GRM8: variants seen among roughly 807,000 people sequenced by gnomAD.
GRM8 encodes the protein glutamate metabotropic receptor 8.
GRM8 carries 47 observed loss-of-function variants against 87.2 expected under a neutral mutation model. The observed-to-expected ratio is 0.54, with a 90% CI of 0.43 to 0.69. The LOEUF is 0.69. GRM8 is among the 30% of genes least tolerant of loss of function. The pLI is 0.00. For missense variants in GRM8, 1,019 were observed against 1,139.2 expected (o/e 0.89, Z 1.52); for synonymous variants, 396 against 404.5 (o/e 0.98, Z 0.25).
intron 2 of GRM8, among the ~76,000 whole-genome samples, chr7:127,212,720 A>G (rs1796297933): frequency 6.6e-6 from 1 of 152,150 alleles, no homozygotes. Context: ...CCCGGCCGAC[A>G]TGGTGTTATT....
intron 6 of GRM8, among the ~76,000 whole-genome samples, chr7:126,820,134 C>T (rs912137266): frequency 6.6e-6 from 1 of 152,078 alleles, no homozygotes; most frequent in Non-Finnish European, 1.5e-5. Context: ...CAGTGTGGTT[C>T]TATCAGTTTA....
At chr7:126,913,360 A>C (rs1803518129) in intron 3 of GRM8, among the ~76,000 whole-genome samples, 1 of 152,244 alleles carries the variant, frequency 6.6e-6, no homozygotes, top group African/African-American at 2.4e-5. Context: ...TGTACAAATA[A>C]GCAAACAAAA....
chr7:126,515,792 G>C (rs1286017997), intron 9 of GRM8, among the ~76,000 whole-genome samples: 3 of 151,954 alleles, frequency 2.0e-5, no homozygotes, highest in Non-Finnish European at 4.4e-5. Context: ...GGATAATTTA[G>C]GATAACCTCC....
In GRM8 at chr7:126,903,997, A is replaced by G; in HGVS notation, c.993T>C (p.Ile331=). The change falls in exon 5 of 11, where the codon ATT becomes ATC. Residue 331 remains isoleucine (I), a synonymous_variant. Coordinates refer to ENST00000339582, the MANE Select transcript of GRM8 (RefSeq NM_000845.3). ...QEEIAEGAVT[I]LPKRASIDGF... is the part of the protein sequence containing the mutation. The stretch of plus-strand genomic sequence containing the variant: ...CATCAATTGATGCTCGTTTGGGCAA[A>G]ATTGTCACAGCCCCTTCTGCAATCT... The G allele has an allele frequency of 6.4e-7, 1 of 1,558,884 alleles. No homozygotes were observed.
intron 2 of GRM8, among the ~76,000 whole-genome samples, chr7:127,224,695 A>G (rs771828074): frequency 1.3e-5 from 2 of 152,268 alleles, no homozygotes; most frequent in African/African-American, 4.8e-5. Flanking sequence ...TTAAAAAATC[A>G]TAACACTGTC....
intron 6 of GRM8, among the ~76,000 whole-genome samples, chr7:126,817,201 TA>T (rs58774046): frequency 0.069 from 10,444 of 152,132 alleles, 1,141 homozygotes; most frequent in African/African-American, 0.23. Flanking sequence ...GGATTACTTC[TA>T]TATTTTTGAC....
intron 2 of GRM8, among the ~76,000 whole-genome samples, chr7:127,183,436 C>A (rs1017004378): frequency 6.6e-6 from 1 of 151,730 alleles, no homozygotes; most frequent in Admixed American, 6.6e-5. Flanking sequence ...CAACACACTT[C>A]TAAATAACAC....
chr7:126,996,899 T>C (rs1443481334), intron 3 of GRM8, among the ~76,000 whole-genome samples: 1 of 151,900 alleles, frequency 6.6e-6, no homozygotes, highest in Non-Finnish European at 1.5e-5. Flanking sequence ...GGGAAATCTG[T>C]CCAAAGAAAC....
intron 3 of GRM8, among the ~76,000 whole-genome samples, chr7:127,037,622 CTG>C (rs1409494412): frequency 6.6e-6 from 1 of 152,200 alleles, no homozygotes; most frequent in Non-Finnish European, 1.5e-5. Flanking sequence ...CAAAGTTTTG[CTG>C]TCTCACAATT....
chr7:126,853,434 G>A (rs1448848027), intron 6 of GRM8, among the ~76,000 whole-genome samples: 1 of 152,148 alleles, frequency 6.6e-6, no homozygotes, highest in Non-Finnish European at 1.5e-5. Flanking sequence ...TAATGGACAA[G>A]TCTTGCAGAG....
At chr7:127,165,904 G>C (rs1459974747) in intron 2 of GRM8, among the ~76,000 whole-genome samples, 3 of 152,124 alleles carry the variant, frequency 2.0e-5, no homozygotes, top group African/African-American at 7.2e-5. Context: ...AGGAGTGGGG[G>C]AATCAGAGAA....
chr7:127,018,253 A>C (rs1238757430), intron 3 of GRM8, among the ~76,000 whole-genome samples: 1 of 152,032 alleles, frequency 6.6e-6, no homozygotes, highest in East Asian at 1.9e-4. Flanking sequence ...AGAAAGTTAC[A>C]CTAAGAAAAT....
intron 3 of GRM8, among the ~76,000 whole-genome samples, chr7:126,911,573 G>C (rs1803299536): frequency 6.6e-6 from 1 of 152,218 alleles, no homozygotes; most frequent in Admixed American, 6.5e-5. Flanking sequence ...CTAATGTGTT[G>C]AGATAATAAT....
intron 3 of GRM8, among the ~76,000 whole-genome samples, chr7:126,985,844 T>G (rs1306916351): frequency 6.6e-6 from 1 of 152,224 alleles, no homozygotes; most frequent in Non-Finnish European, 1.5e-5. Context: ...CACCTCTCAA[T>G]AGTGACATAC....
At chr7:126,790,276 G>A (rs1470409140) in intron 6 of GRM8, among the ~76,000 whole-genome samples, 2 of 152,102 alleles carry the variant, frequency 1.3e-5, no homozygotes, top group African/African-American at 2.4e-5. Context: ...CCGAAGTGCT[G>A]GAATTACAGG....
intron 7 of GRM8, among the ~76,000 whole-genome samples, chr7:126,760,480 G>A (rs1817479468): frequency 6.6e-6 from 1 of 152,148 alleles, no homozygotes. Flanking sequence ...ACAGAGGCAG[G>A]TAGAATTACA....
At chr7:126,573,414 A>C (rs1794848399) in intron 8 of GRM8, among the ~76,000 whole-genome samples, 1 of 152,096 alleles carries the variant, frequency 6.6e-6, no homozygotes, top group African/African-American at 2.4e-5. Context: ...GATATATGTC[A>C]AAAAGCTGTA....
At position 127,242,823 on chromosome 7, in the gene GRM8, C is replaced by T. The variant is rs200579683; in HGVS notation, c.382G>A (p.Ala128Thr). The T allele has an allele frequency of 1.2e-6, 2 of 1,614,194 alleles. No homozygotes were observed. The highest frequency in any genetic ancestry group is 1.7e-6 in the Non-Finnish European group (2 of 1,180,038). Reference protein sequence around the residue: ...TFVQALIEKDASDVKCANGDP... With the variant: ...TFVQALIEKDTSDVKCANGDP... ...CCATTAGCACACTTCACATCCGAAG[C>T]ATCTTTCTCTATTAATGCCTGCACG... Residue 128 changes from alanine (A) to threonine (T), a missense_variant, in exon 2 of 11, where the codon GCT (alanine) becomes ACT (threonine). By Grantham distance (58) the Ala-to-Thr change is moderately conservative. Coordinates refer to ENST00000339582, the MANE Select transcript of GRM8 (RefSeq NM_000845.3).
intron 7 of GRM8, among the ~76,000 whole-genome samples, chr7:126,609,856 A>G (rs1418329591): frequency 1.3e-5 from 2 of 152,242 alleles, no homozygotes; most frequent in African/African-American, 2.4e-5. Context: ...TTGAAGCATG[A>G]CAGCTATTGT....
Sources: allele counts gnomAD v4.1 joint callset (sites outside exome capture counted in the v4.1 genomes callset), GRCh38; gene constraint gnomAD v4.1.1; transcripts MANE v1.5; gene names NCBI Gene and HGNC (gene_info 2026-07-23, HGNC 2026-07-21).